The following ADGRG2 variants were observed in gnomAD, a reference collection of about 807,000 sequenced individuals.
ADGRG2 encodes adhesion G protein-coupled receptor G2, also known as G protein-coupled receptor 64.
Under a neutral mutation model 74.1 loss-of-function variants are expected in ADGRG2, and 26 were observed. The ratio of observed to expected loss-of-function variants is 0.35; its 90% CI spans 0.26 to 0.49. ADGRG2 has a LOEUF of 0.49. Among genes scored for constraint, ADGRG2 ranks in the 20% least tolerant of loss-of-function variants. The pLI is 0.99. For synonymous variants in ADGRG2, 296 were observed against 295.2 expected, an observed-to-expected ratio of 1.00 and a Z score of -0.03; for missense variants, 619 against 763.1, an observed-to-expected ratio of 0.81 and a Z score of 2.22.
At chrX:19,085,890 C>T (rs747484161) in intron 1 of ADGRG2, among the ~76,000 whole-genome samples, 18 of 111,533 alleles carry the variant, frequency 1.6e-4, no homozygotes, top group Middle Eastern at 9.3e-3. Context: ...CTCAGCTCAA[C>T]GTCATCTCCC....
At chrX:19,084,769 C>T (rs1490985580) in intron 1 of ADGRG2, among the ~76,000 whole-genome samples, 1 of 111,971 alleles carries the variant, frequency 8.9e-6, no homozygotes, top group Admixed American at 9.5e-5. Flanking sequence ...CTTAATGGTT[C>T]TTGGGAATCC....
At chrX:19,073,509 G>A (rs184822685) in intron 2 of ADGRG2, among the ~76,000 whole-genome samples, 72 of 111,435 alleles carry the variant, frequency 6.5e-4, no homozygotes, top group African/African-American at 2.3e-3. Context: ...TACAGTGCAC[G>A]AACTACATGA....
intron 3 of ADGRG2, among the ~76,000 whole-genome samples, chrX:19,060,621 T>G (rs2061475280): frequency 9.3e-6 from 1 of 107,362 alleles, no homozygotes; most frequent in African/African-American, 3.4e-5. Flanking sequence ...CAATCTCAGC[T>G]CACTGCAACC....
At chrX:19,114,071 CAAAA>C (rs60491802) in intron 1 of ADGRG2, among the ~76,000 whole-genome samples, 1 of 27,019 alleles carries the variant, frequency 3.7e-5, no homozygotes. Context: ...GAATCTGTCT[CAAAA>C]AAAAAAAAAA....
chrX:19,029,892 C>T (rs2060790621), intron 9 of ADGRG2, among the ~76,000 whole-genome samples: 2 of 110,920 alleles, frequency 1.8e-5, no homozygotes, highest in Non-Finnish European at 1.9e-5. Flanking sequence ...ATACAATATA[C>T]GAAAATGAAA....
At chrX:19,029,578 A>G (rs1240076985) in intron 9 of ADGRG2, among the ~76,000 whole-genome samples, 1 of 111,038 alleles carries the variant, frequency 9.0e-6, no homozygotes, top group African/African-American at 3.3e-5. Flanking sequence ...GGTGCCAAAA[A>G]CCCTGATGAG....
chrX:19,047,441 G>A (rs918842213), intron 3 of ADGRG2, among the ~76,000 whole-genome samples: 1 of 111,884 alleles, frequency 8.9e-6, no homozygotes, highest in African/African-American at 3.3e-5. Flanking sequence ...ATTTGACACC[G>A]TGGTAGATAT....
intron 16 of ADGRG2, among the ~76,000 whole-genome samples, chrX:19,011,236 A>G (rs1029608374): frequency 2.7e-4 from 30 of 111,139 alleles, no homozygotes; most frequent in African/African-American, 8.5e-4. Context: ...GCTGGGGGTG[A>G]GGGGATTAGG....
chrX:18,990,882 G>A lies in ADGRG2; in HGVS notation c.3036C>T (p.His1012=), dbSNP rs772408885. 1.2e-5 allele frequency: 15 copies of A among 1,200,562 alleles called. No individual in the cohort carries two copies. Among genetic ancestry groups the A allele is most frequent in the Middle Eastern group, 2.3e-4 (1 of 4,344 alleles). Residue 1012 remains histidine (H), a synonymous_variant, in exon 29 of 29, where the codon CAC becomes CAT. Transcript: ENST00000379869. ...AAAGGAATCACATTTGCTCAATAAA[G>A]TGTAAGCTTCCCCGCTTTGAAGTCC... The part of the protein sequence containing the change: ...LRRTSKRGSL[H]FIEQM
chrX:19,091,507 C>T (rs1382806738), intron 1 of ADGRG2, among the ~76,000 whole-genome samples: 1 of 108,278 alleles, frequency 9.2e-6, no homozygotes, highest in Non-Finnish European at 1.9e-5. Context: ...CACACACACA[C>T]ACACACACAC....
intron 1 of ADGRG2, among the ~76,000 whole-genome samples, chrX:19,098,659 T>G (rs73447624): frequency 0.085 from 9,285 of 109,760 alleles, 420 homozygotes; most frequent in African/African-American, 0.17. Flanking sequence ...AGCAGAGAAG[T>G]GGATATGAAG....
At chrX:19,064,691 A>G (rs1000488337) in intron 3 of ADGRG2, among the ~76,000 whole-genome samples, 1 of 112,313 alleles carries the variant, frequency 8.9e-6, no homozygotes, top group East Asian at 2.8e-4. Context: ...AACTGAGCCT[A>G]GCATAGCAGA....
intron 3 of ADGRG2, among the ~76,000 whole-genome samples, chrX:19,049,438 G>GTGTTTTTTTTT (rs1555901662): frequency 1.2e-5 from 1 of 82,212 alleles, no homozygotes; most frequent in African/African-American, 5.7e-5. Context: ...CGTTTTTTGT[G>GTGTTTTTTTTT]TTTTTTTTTT....
intron 3 of ADGRG2, among the ~76,000 whole-genome samples, chrX:19,041,470 T>C (rs1431686985): frequency 8.9e-6 from 1 of 112,247 alleles, no homozygotes; most frequent in Non-Finnish European, 1.9e-5. Flanking sequence ...TTTTACAATG[T>C]TATCTTGAGA....
chrX:19,064,363 G>A (rs1369319249), intron 3 of ADGRG2, among the ~76,000 whole-genome samples: 1 of 112,666 alleles, frequency 8.9e-6, no homozygotes, highest in African/African-American at 3.2e-5. Context: ...GTTCTCATGC[G>A]TCATAGTCAC....
chrX:19,110,053 A>G (rs2062383744), intron 1 of ADGRG2, among the ~76,000 whole-genome samples: 2 of 111,800 alleles, frequency 1.8e-5, no homozygotes, highest in African/African-American at 3.2e-5. Context: ...AGTATCTTCC[A>G]TGTGCTGAGA....
chrX:19,114,056 G>C (rs1057417198), intron 1 of ADGRG2, among the ~76,000 whole-genome samples: 5 of 99,901 alleles, frequency 5.0e-5, no homozygotes, highest in Admixed American at 1.1e-4. Flanking sequence ...TGGGCGACGG[G>C]GCAAGAATCT....
intron 13 of ADGRG2, 80 bp from the exon 14 acceptor site, chrX:19,021,278 T>TA (rs1738959283): frequency 3.5e-6 from 2 of 563,721 alleles, no homozygotes; most frequent in Non-Finnish European, 3.1e-6. Context: ...TTTGCAAACT[T>TA]AGAGTGAGGA....
At chrX:19,084,525 C>T (rs747472981) in intron 1 of ADGRG2, among the ~76,000 whole-genome samples, 6 of 111,797 alleles carry the variant, frequency 5.4e-5, no homozygotes, top group Non-Finnish European at 7.5e-5. Flanking sequence ...TGAACAATTG[C>T]GAACACATGT....
Sources: allele counts gnomAD v4.1 joint callset (sites outside exome capture counted in the v4.1 genomes callset), GRCh38; gene constraint gnomAD v4.1.1; transcripts MANE v1.5; gene names NCBI Gene and HGNC (gene_info 2026-07-23, HGNC 2026-07-21).